The following PDGFRL variants were observed in gnomAD, a reference collection of about 807,000 sequenced individuals.
PDGFRL encodes the protein platelet derived growth factor receptor like, also known as platelet-derived growth factor receptor-like protein.
PDGFRL carries 46 observed loss-of-function variants against 37.2 expected under a neutral mutation model. That is an observed-to-expected ratio of 1.24 (90% CI 0.98 to 1.58). PDGFRL has a LOEUF of 1.58. Ranked by LOEUF, PDGFRL falls within the 40% of genes most tolerant of loss-of-function variation. PDGFRL has a pLI of 0.00. For missense variants in PDGFRL, 692 were observed against 467.6 expected (o/e 1.48, Z -4.43); for synonymous variants, 251 against 184.3 (o/e 1.36, Z -2.93).
intron 5 of PDGFRL, among the ~76,000 whole-genome samples, chr8:17,640,465 G>T (rs560553292): frequency 6.6e-6 from 1 of 152,116 alleles, no homozygotes; most frequent in Non-Finnish European, 1.5e-5. Flanking sequence ...TTGTCCCATG[G>T]GGTGCTCTCT....
intron 2 of PDGFRL, among the ~76,000 whole-genome samples, chr8:17,602,274 G>A (rs1426356828): frequency 6.6e-6 from 1 of 152,130 alleles, no homozygotes; most frequent in African/African-American, 2.4e-5. Context: ...GACAGATAAG[G>A]GAACTGAGAG....
intron 2 of PDGFRL, among the ~76,000 whole-genome samples, chr8:17,610,471 G>T (rs1018190079): frequency 2.0e-5 from 3 of 152,168 alleles, no homozygotes; most frequent in Non-Finnish European, 4.4e-5. Context: ...GTATGATGCA[G>T]ATACTCCAAA....
intron 2 of PDGFRL, among the ~76,000 whole-genome samples, chr8:17,615,276 A>G (rs117841090): frequency 6.6e-6 from 1 of 151,274 alleles, no homozygotes; most frequent in African/African-American, 2.4e-5. Context: ...TTCTGAGCTC[A>G]TTTAACTGGA....
intron 3 of PDGFRL, among the ~76,000 whole-genome samples, chr8:17,627,456 A>G (rs1585329614): frequency 7.0e-6 from 1 of 142,240 alleles, no homozygotes. Flanking sequence ...TGTTGATGGA[A>G]GCTACCGATT....
At chr8:17,597,115 T>C (rs1004889690) in intron 2 of PDGFRL, among the ~76,000 whole-genome samples, 7 of 152,120 alleles carry the variant, frequency 4.6e-5, no homozygotes, top group Non-Finnish European at 1.0e-4. Context: ...CTACCTCTCA[T>C]GTTCAAGCAA....
intron 2 of PDGFRL, among the ~76,000 whole-genome samples, chr8:17,608,494 A>G (rs1220287228): frequency 6.6e-6 from 1 of 152,200 alleles, no homozygotes; most frequent in Non-Finnish European, 1.5e-5. Context: ...GCTGGTAGGC[A>G]TCCTGGGGAA....
chr8:17,630,406 C>A (rs1052188160), intron 4 of PDGFRL, among the ~76,000 whole-genome samples: 1 of 152,154 alleles, frequency 6.6e-6, no homozygotes, highest in Non-Finnish European at 1.5e-5. Flanking sequence ...TGTTGAATCC[C>A]CCTTTTCCTG....
At chr8:17,584,633 A>T (rs1376973991) in intron 1 of PDGFRL, among the ~76,000 whole-genome samples, 1 of 152,014 alleles carries the variant, frequency 6.6e-6, no homozygotes, top group African/African-American at 2.4e-5. Context: ...GAGCGTCATC[A>T]ACTGTATTCT....
At chr8:17,583,022 T>C (rs985232295) in intron 1 of PDGFRL, among the ~76,000 whole-genome samples, 1 of 152,092 alleles carries the variant, frequency 6.6e-6, no homozygotes, top group African/African-American at 2.4e-5. Flanking sequence ...AAGAGGCCAA[T>C]AAGCAGAACA....
Position 17,589,557 on chromosome 8 carries a change from A to C in PDGFRL, c.145A>C (p.Ile49Leu). The C allele has an allele frequency of 6.2e-7, 1 of 1,613,794 alleles. No homozygotes were observed. The highest frequency in any genetic ancestry group is 8.5e-7 in the Non-Finnish European group (1 of 1,179,634). The change falls in exon 2 of 6, where the codon ATT (isoleucine) becomes CTT (leucine). Residue 49 changes from isoleucine (I) to leucine (L), a missense_variant. Physicochemically the swap from Ile to Leu is conservative, Grantham distance 5. Coordinates refer to ENST00000251630, the MANE Select transcript of PDGFRL (RefSeq NM_001372073.1). ...TACCAACAAGAAGGTGAAGCCCAAA[A>C]TTCCTAAAATGAAGGACAGGGACTC... ...KPTNKKVKPK[I>L]PKMKDRDSAN...
At chr8:17,582,713 A>T (rs1367647881) in intron 1 of PDGFRL, among the ~76,000 whole-genome samples, 1 of 152,210 alleles carries the variant, frequency 6.6e-6, no homozygotes, top group Non-Finnish European at 1.5e-5. Flanking sequence ...GCCATGTGGC[A>T]GAGAATGAAA....
chr8:17,591,289 C>G (rs550320393), intron 2 of PDGFRL, among the ~76,000 whole-genome samples: 8 of 152,220 alleles, frequency 5.3e-5, no homozygotes, highest in African/African-American at 1.9e-4. Flanking sequence ...CTTCAGGAGG[C>G]TAGGCTTCTA....
upstream of PDGFRL, chr8:17,577,140 C>G: frequency 9.4e-6 from 14 of 1,491,764 alleles, no homozygotes; most frequent in Non-Finnish European, 1.3e-5. Flanking sequence ...CTGAAGAAAC[C>G]GAATCCTCCC....
chr8:17,577,935 G>A (rs1431788830), intron 1 of PDGFRL, among the ~76,000 whole-genome samples: 1 of 151,866 alleles, frequency 6.6e-6, no homozygotes. Flanking sequence ...TGAAGAAAAT[G>A]CATTTTTTTG....
At chr8:17,584,460 GT>G (rs1178319301) in intron 1 of PDGFRL, among the ~76,000 whole-genome samples, 1 of 152,092 alleles carries the variant, frequency 6.6e-6, no homozygotes, top group Non-Finnish European at 1.5e-5. Flanking sequence ...TCACGGGATT[GT>G]GTGAGGTCAC....
At position 17,642,845 on chromosome 8, in the gene PDGFRL, G is replaced by A; in HGVS notation, c.*44G>A. 1 of 1,288,158 alleles carries A rather than the reference G, an allele frequency of 7.8e-7. No individual in the cohort carries two copies. The highest frequency in any genetic ancestry group is 1.1e-6 in the Non-Finnish European group (1 of 892,924). The allele number at this position is 1,288,158 out of a possible 1,614,324, so 79.8% of individuals were successfully genotyped here. On this transcript the variant is annotated 3_prime_UTR_variant, in exon 6 of 6. Coordinates refer to ENST00000251630, the MANE Select transcript of PDGFRL (RefSeq NM_001372073.1). ...ATGAACTTATGGAAAGCCCATTTGTGTACACAGTCAGCTTTGGGGTTCCTT... is the reference window on the plus strand; with the variant it reads ...ATGAACTTATGGAAAGCCCATTTGTATACACAGTCAGCTTTGGGGTTCCTT...
chr8:17,625,417 C>T (rs539497285), intron 3 of PDGFRL, among the ~76,000 whole-genome samples: 3 of 150,668 alleles, frequency 2.0e-5, no homozygotes, highest in East Asian at 2.0e-4. Flanking sequence ...CCCAAAGTGC[C>T]GGGATTACAG....
chr8:17,583,576 A>G (rs1435609687), intron 1 of PDGFRL, among the ~76,000 whole-genome samples: 1 of 152,150 alleles, frequency 6.6e-6, no homozygotes, highest in Non-Finnish European at 1.5e-5. Context: ...CAGAGGTGCA[A>G]TGCTATGATT....
chr8:17,577,129 CCTG>C (rs1195389036), upstream of PDGFRL: 1 of 1,423,784 alleles, frequency 7.0e-7, no homozygotes, highest in African/African-American at 1.5e-5. Context: ...CCTTGTTCCT[CCTG>C]AAGAAACCGA....
Sources: allele counts gnomAD v4.1 joint callset (sites outside exome capture counted in the v4.1 genomes callset), GRCh38; gene constraint gnomAD v4.1.1; transcripts MANE v1.5; gene names NCBI Gene and HGNC (gene_info 2026-07-23, HGNC 2026-07-21).